TENM4: variants seen among roughly 807,000 people sequenced by gnomAD.
TENM4 encodes teneurin transmembrane protein 4.
In TENM4, 82 loss-of-function variants were observed where a neutral mutation model predicts 243.3. The observed-to-expected ratio is 0.34, with a 90% CI of 0.28 to 0.40. The LOEUF (loss-of-function observed/expected upper bound fraction) is 0.40. TENM4 is among the 10% of genes least tolerant of loss of function. The pLI is 1.00. For missense variants in TENM4, 3,138 were observed against 3,673.3 expected (o/e 0.85, Z 3.77); for synonymous variants, 1,412 against 1,456.3 (o/e 0.97, Z 0.69).
At chr11:79,230,983 G>T (rs1344128307) in intron 2 of TENM4, among the ~76,000 whole-genome samples, 6 of 152,198 alleles carry the variant, frequency 3.9e-5, no homozygotes, top group Non-Finnish European at 8.8e-5. Context: ...ACTCACTGGG[G>T]TTGGGGAAAA....
At chr11:78,672,353 G>A (rs1037028457) in intron 30 of TENM4, 24 bp from the exon 31 acceptor site, 1 of 1,596,116 alleles carries the variant, frequency 6.3e-7, no homozygotes, top group African/African-American at 1.3e-5. Context: ...TGGAAGGAAA[G>A]AGAAAATTAA....
intron 10 of TENM4, among the ~76,000 whole-genome samples, chr11:78,859,560 C>A (rs2136215963): frequency 6.6e-6 from 1 of 152,346 alleles, no homozygotes; most frequent in East Asian, 1.9e-4. Context: ...ACTGAAATTT[C>A]ATGCACTTCT....
intron 2 of TENM4, among the ~76,000 whole-genome samples, chr11:79,245,938 T>TAAAAAAAAAAAAAAAAAAAAAAAA (rs1199883938): frequency 1.5e-5 from 1 of 64,908 alleles, no homozygotes; most frequent in African/African-American, 5.4e-5. Context: ...AGACTTTGTC[T>TAAAAAAAAAAAAAAAAAAAAAAAA]AAAAAAAAAA....
At chr11:79,008,285 C>T (rs1247367921) in intron 6 of TENM4, among the ~76,000 whole-genome samples, 5 of 152,316 alleles carry the variant, frequency 3.3e-5, no homozygotes, top group South Asian at 2.1e-4. Context: ...CCGGGTTTAA[C>T]GGGCTTCCTT....
At chr11:79,299,497 T>C (rs1368996986) in intron 1 of TENM4, among the ~76,000 whole-genome samples, 2 of 152,182 alleles carry the variant, frequency 1.3e-5, no homozygotes, top group Non-Finnish European at 2.9e-5. Flanking sequence ...TCATCCTCTT[T>C]TGTTACATTG....
At chr11:79,095,500 C>A (rs970181899) in intron 4 of TENM4, among the ~76,000 whole-genome samples, 1 of 152,214 alleles carries the variant, frequency 6.6e-6, no homozygotes, top group African/African-American at 2.4e-5. Context: ...GAGGACACTG[C>A]ATTATCTGCC....
chr11:79,011,990 A>G (rs1276045783), intron 6 of TENM4, among the ~76,000 whole-genome samples: 1 of 152,062 alleles, frequency 6.6e-6, no homozygotes, highest in East Asian at 1.9e-4. Flanking sequence ...ACGCATCTTT[A>G]TGTAAAAGTT....
At chr11:79,365,189 G>A (rs1021817135) in intron 1 of TENM4, among the ~76,000 whole-genome samples, 3 of 152,190 alleles carry the variant, frequency 2.0e-5, no homozygotes, top group Admixed American at 2.0e-4. Flanking sequence ...GCTGGGATAA[G>A]CACTATATCT....
chr11:79,109,679 G>C (rs974581875), intron 4 of TENM4, among the ~76,000 whole-genome samples: 12 of 152,326 alleles, frequency 7.9e-5, no homozygotes, highest in Admixed American at 5.9e-4. Context: ...AGTAGGTAAC[G>C]AGTACATGTT....
chr11:79,084,531 A>AT (rs1252036676), intron 4 of TENM4, among the ~76,000 whole-genome samples: 2 of 152,378 alleles, frequency 1.3e-5, no homozygotes, highest in East Asian at 3.9e-4. Flanking sequence ...TGACTCCGTG[A>AT]TAAAAAACAA....
At chr11:78,909,087 A>C (rs1228657846) in intron 6 of TENM4, among the ~76,000 whole-genome samples, 4 of 152,224 alleles carry the variant, frequency 2.6e-5, no homozygotes, top group African/African-American at 9.6e-5. Context: ...TAATGGCAAT[A>C]AAAGGAAGAG....
chr11:78,898,079 G>A (rs1225645576), intron 7 of TENM4, among the ~76,000 whole-genome samples: 1 of 152,170 alleles, frequency 6.6e-6, no homozygotes, highest in Non-Finnish European at 1.5e-5. Flanking sequence ...TCAGGGTTTG[G>A]GGGACCCTAA....
In TENM4 at chr11:78,805,278, C is replaced by CCCCACCCA; in HGVS notation, c.2179+13_2179+14insTGGGTGGG. On this transcript the variant is annotated intron_variant, in intron 15 of 33. Transcript: ENST00000278550. ...CCCTCCCTCTACCCATGCTTCTTCT[C>CCCCACCCA]CCCCTGCATTTACCGATAGAACAGT... 2 of 1,442,336 alleles carry CCCCACCCA rather than the reference C, an allele frequency of 1.4e-6. No homozygotes were observed. Among genetic ancestry groups the CCCCACCCA allele is most frequent in the Non-Finnish European group, 1.9e-6 (2 of 1,063,260 alleles). The allele number at this position is 1,442,336 out of a possible 1,614,324, so 89.3% of individuals were successfully genotyped here. A position where few individuals can be genotyped will look rare whatever the true frequency, so the allele number is the denominator to read the frequency against.
intron 1 of TENM4, among the ~76,000 whole-genome samples, chr11:79,327,722 A>G (rs1856997276): frequency 6.7e-6 from 1 of 149,718 alleles, no homozygotes; most frequent in African/African-American, 2.5e-5. Context: ...TAAGGAAACC[A>G]ATGGAAAAAC....
intron 12 of TENM4, among the ~76,000 whole-genome samples, chr11:78,830,478 C>T (rs1591055566): frequency 6.6e-6 from 1 of 152,178 alleles, no homozygotes; most frequent in Non-Finnish European, 1.5e-5. Flanking sequence ...AGGAATGTAA[C>T]GGAAAGCAGG....
chr11:79,343,793 G>A (rs2135464979), intron 1 of TENM4, among the ~76,000 whole-genome samples: 1 of 152,364 alleles, frequency 6.6e-6, no homozygotes, highest in South Asian at 2.1e-4. Flanking sequence ...AGATGTTGAA[G>A]GTCAGCCATC....
chr11:78,827,678 G>A (rs1016644754), intron 12 of TENM4, among the ~76,000 whole-genome samples: 1 of 151,988 alleles, frequency 6.6e-6, no homozygotes, highest in African/African-American at 2.4e-5. Flanking sequence ...TAGTAGAGAT[G>A]GGGTTTTTCC....
chr11:78,978,650 TA>T (rs1187847724), intron 6 of TENM4, among the ~76,000 whole-genome samples: 2 of 152,064 alleles, frequency 1.3e-5, no homozygotes, highest in Non-Finnish European at 2.9e-5. Flanking sequence ...AATCAACTAA[TA>T]AGAAGGCTGG....
intron 7 of TENM4, among the ~76,000 whole-genome samples, chr11:78,894,875 T>C (rs982069317): frequency 6.7e-6 from 1 of 148,346 alleles, no homozygotes; most frequent in Admixed American, 6.9e-5. Context: ...GTGCCTGTAG[T>C]ACCAGCTACT....
Sources: allele counts gnomAD v4.1 joint callset (sites outside exome capture counted in the v4.1 genomes callset), GRCh38; gene constraint gnomAD v4.1.1; transcripts MANE v1.5; gene names NCBI Gene and HGNC (gene_info 2026-07-23, HGNC 2026-07-21).